The following NRXN1 variants were observed in gnomAD, a reference collection of about 807,000 sequenced individuals.
NRXN1 encodes the protein neurexin 1.
In NRXN1, 39 loss-of-function variants were observed where a neutral mutation model predicts 150.9. That is an observed-to-expected ratio of 0.26 (90% CI 0.20 to 0.34). The LOEUF (loss-of-function observed/expected upper bound fraction) is 0.34. NRXN1 is among the 10% of genes least tolerant of loss of function. The pLI, the probability that NRXN1 is intolerant of heterozygous loss-of-function variation, is 1.00. For synonymous variants in NRXN1, 924 were observed against 757.0 expected (o/e 1.22, Z -3.62); for missense variants, 1,815 against 1,949.9 (o/e 0.93, Z 1.30).
At chr2:50,212,417 G>C (rs1405497237) in intron 18 of NRXN1, among the ~76,000 whole-genome samples, 1 of 149,648 alleles carries the variant, frequency 6.7e-6, no homozygotes, top group African/African-American at 2.5e-5. Context: ...TTAAAGGCCT[G>C]TGTGTGACCC....
At chr2:50,837,887 CAG>C (rs1254943497) in intron 5 of NRXN1, among the ~76,000 whole-genome samples, 1 of 152,034 alleles carries the variant, frequency 6.6e-6, no homozygotes, top group East Asian at 1.9e-4. Context: ...GAAATACACT[CAG>C]AAATACTTAA....
chr2:50,265,653 C>A lies in NRXN1; in HGVS notation c.3365-28683G>T, dbSNP rs539011192. The stretch of plus-strand genomic sequence containing the variant: ...CAGAAACCAAAAGCAAGACATAGCA[C>A]AATTCTTCAGGTACCAATTTACTTT... On this transcript the variant is annotated intron_variant, in intron 17 of 22. Coordinates refer to ENST00000401669, the MANE Select transcript of NRXN1 (RefSeq NM_001330078.2). 9.2e-5 allele frequency among the ~76,000 whole-genome samples: 14 copies of A among 152,224 alleles called. No individual in the cohort carries two copies. The South Asian group carries it at 2.7e-3, about 29-fold the overall frequency.
intron 17 of NRXN1, among the ~76,000 whole-genome samples, chr2:50,258,110 G>A (rs2067892035): frequency 2.6e-5 from 4 of 151,970 alleles, no homozygotes; most frequent in African/African-American, 2.4e-5. Flanking sequence ...TTAGGGTGGT[G>A]GCTGCTGAAG....
intron 5 of NRXN1, among the ~76,000 whole-genome samples, chr2:50,781,214 C>T (rs997346291): frequency 6.6e-6 from 1 of 152,118 alleles, no homozygotes; most frequent in Non-Finnish European, 1.5e-5. Context: ...GCTCAGAGAA[C>T]CCAAATATTT....
chr2:50,998,557 G>A (rs1457985192), intron 2 of NRXN1, among the ~76,000 whole-genome samples: 4 of 151,912 alleles, frequency 2.6e-5, no homozygotes, highest in African/African-American at 9.7e-5. Context: ...AACTTTGGGT[G>A]GACACAACAT....
rs200153066 is a variant in NRXN1 at position 51,027,551 on chromosome 2, G to A, written c.723C>T (p.Ala241=). 3.1e-6 allele frequency: 5 copies of A among 1,591,156 alleles called. No homozygotes were observed. The highest frequency in any genetic ancestry group is 1.7e-5 in the Admixed American group (1 of 58,756). Reference sequence around the variant, plus strand: ...AGCCGGTTCGCGAGCAGTCGCACACGGCCTGGTCGTCCACCACGGAGCACA... The same window carrying A: ...AGCCGGTTCGCGAGCAGTCGCACACAGCCTGGTCGTCCACCACGGAGCACA... ...GGVCSVVDDQ[A]VCDCSRTGFR... Residue 241 remains alanine, a synonymous_variant, in exon 2 of 23, where the codon GCC becomes GCT. Transcript: ENST00000401669.
chr2:50,750,576 G>C (rs1700487546), intron 5 of NRXN1, among the ~76,000 whole-genome samples: 1 of 151,892 alleles, frequency 6.6e-6, no homozygotes, highest in South Asian at 2.1e-4. Flanking sequence ...ATGTACCCTA[G>C]AGCTGAAAGT....
At chr2:50,013,949 G>A (rs1686140148) in intron 21 of NRXN1, among the ~76,000 whole-genome samples, 1 of 152,116 alleles carries the variant, frequency 6.6e-6, no homozygotes, top group African/African-American at 2.4e-5. Flanking sequence ...GGTGAGTTAG[G>A]AAGGGTTATT....
At chr2:50,434,259 T>C (rs1265394876) in intron 17 of NRXN1, among the ~76,000 whole-genome samples, 1 of 151,766 alleles carries the variant, frequency 6.6e-6, no homozygotes, top group Non-Finnish European at 1.5e-5. Flanking sequence ...TTGTTGCTTT[T>C]TTTTGGTAGA....
intron 5 of NRXN1, among the ~76,000 whole-genome samples, chr2:50,760,180 T>C (rs1701642673): frequency 6.6e-6 from 1 of 151,900 alleles, no homozygotes; most frequent in African/African-American, 2.4e-5. Context: ...GTACTCAATA[T>C]TCCACTGGGA....
rs549461390 is a variant in NRXN1 at position 50,653,939 on chromosome 2, C to T, written c.833-30324G>A. 2.7e-5 allele frequency among the ~76,000 whole-genome samples: 4 copies of T among 148,376 alleles called. No homozygotes were observed. In the South Asian group the frequency reaches 8.5e-4, roughly 32 times the overall value. ...GCTGAAGCATACAGGTAGAATCTCA[C>T]TATGCCCCCTACTTTCTTCTCTTTT... On this transcript the variant is annotated intron_variant, in intron 5 of 22. Transcript: ENST00000401669.
intron 2 of NRXN1, among the ~76,000 whole-genome samples, chr2:51,003,477 A>T (rs556809884): frequency 6.6e-6 from 1 of 152,106 alleles, no homozygotes; most frequent in African/African-American, 2.4e-5. Flanking sequence ...CCAAAAATTA[A>T]TATCACATTT....
At chr2:50,514,862 G>A (rs775583736) in intron 12 of NRXN1, among the ~76,000 whole-genome samples, 5 of 152,196 alleles carry the variant, frequency 3.3e-5, no homozygotes, top group Admixed American at 6.5e-5. Flanking sequence ...CTGAGTTTTA[G>A]ATTCGATATT....
At chr2:50,593,992 C>A (rs1039091539) in intron 8 of NRXN1, among the ~76,000 whole-genome samples, 1 of 152,090 alleles carries the variant, frequency 6.6e-6, no homozygotes. Flanking sequence ...CAATCTGAAA[C>A]AATGATATAA....
At chr2:50,582,503 A>G (rs1318971554) in intron 8 of NRXN1, among the ~76,000 whole-genome samples, 1 of 149,946 alleles carries the variant, frequency 6.7e-6, no homozygotes, top group South Asian at 2.1e-4. Context: ...AAAAAAAAAA[A>G]ATTATTTACC....
At chr2:50,653,112 T>A (rs2104573263) in intron 5 of NRXN1, among the ~76,000 whole-genome samples, 1 of 152,216 alleles carries the variant, frequency 6.6e-6, no homozygotes, top group Admixed American at 6.5e-5. Flanking sequence ...TCTTAATGAA[T>A]GCTGCTCATG....
chr2:50,757,935 C>G (rs938959251), intron 5 of NRXN1: 2 of 151,722 alleles, frequency 1.3e-5, no homozygotes, highest in African/African-American at 4.8e-5. Flanking sequence ...CAATATTAGT[C>G]CATAGGACCT....
intron 18 of NRXN1, among the ~76,000 whole-genome samples, chr2:50,220,486 C>G (rs1382004109): frequency 2.6e-5 from 4 of 151,944 alleles, no homozygotes; most frequent in Admixed American, 2.6e-4. Flanking sequence ...TAGAACATTC[C>G]ATGGGATTTG....
chr2:50,160,238 A>T (rs547770805), intron 18 of NRXN1, among the ~76,000 whole-genome samples: 1 of 152,076 alleles, frequency 6.6e-6, no homozygotes, highest in Admixed American at 6.6e-5. Context: ...ATGAAATGAC[A>T]ACTTAAAAAA....
Sources: allele counts gnomAD v4.1 joint callset (sites outside exome capture counted in the v4.1 genomes callset), GRCh38; gene constraint gnomAD v4.1.1; transcripts MANE v1.5; gene names NCBI Gene and HGNC (gene_info 2026-07-23, HGNC 2026-07-21).